The following RBM47 variants were observed in gnomAD, a reference collection of about 807,000 sequenced individuals.
RBM47 encodes RNA-binding protein 47.
In RBM47, 21 loss-of-function variants were observed where a neutral mutation model predicts 47.1. That is an observed-to-expected ratio of 0.45 (90% CI 0.32 to 0.64). RBM47 has a LOEUF of 0.64. Among genes scored for constraint, RBM47 ranks in the 30% least tolerant of loss-of-function variants. The pLI is 0.05. For missense variants in RBM47, 708 were observed against 870.9 expected (o/e 0.81, Z 2.35); for synonymous variants, 375 against 361.7 (o/e 1.04, Z -0.42).
At position 40,592,426 on chromosome 4, in the gene RBM47, C is replaced by CTT. The variant is rs80061075; in HGVS notation, c.-240+36968_-240+36969dup. 1.7e-4 allele frequency among the ~76,000 whole-genome samples: 24 copies of CTT among 137,532 alleles called. No individual in the cohort carries two copies. In the East Asian group the frequency reaches 3.6e-3, roughly 21 times the overall value. 90.2% of individuals were successfully genotyped at this position (137,532 alleles called of 152,430 possible). A position where few individuals can be genotyped will look rare whatever the true frequency, so the allele number is the denominator to read the frequency against. ...CCACCTGGCTTAATCTTTTTTTTTT[C>CTT]TTTTTTTTTTTTTTTAAGACAGAGT... On this transcript the variant is annotated intron_variant, in intron 1 of 6. Coordinates refer to ENST00000295971, the MANE Select transcript of RBM47 (RefSeq NM_001098634.2).
intron 2 of RBM47, among the ~76,000 whole-genome samples, chr4:40,522,460 G>C (rs935958594): frequency 2.0e-5 from 3 of 152,128 alleles, no homozygotes; most frequent in African/African-American, 7.2e-5. Context: ...AACTGAGATT[G>C]TGCCACTGCA....
At chr4:40,432,985 G>T in intron 5 of RBM47, 123 bp from the exon 6 acceptor site, 1 of 1,365,118 alleles carries the variant, frequency 7.3e-7, no homozygotes, top group Non-Finnish European at 9.7e-7. Context: ...TTTTGAGACA[G>T]GGTCTCACTC....
At chr4:40,436,203 CAAA>C (rs11452587) in intron 5 of RBM47, among the ~76,000 whole-genome samples, 56 of 140,290 alleles carry the variant, frequency 4.0e-4, no homozygotes, top group African/African-American at 1.4e-3. Flanking sequence ...AACAAACAAA[CAAA>C]AAAAAACCTT....
At chr4:40,622,625 C>T (rs1253665585) in intron 1 of RBM47, among the ~76,000 whole-genome samples, 1 of 152,126 alleles carries the variant, frequency 6.6e-6, no homozygotes, top group Admixed American at 6.6e-5. Context: ...CTCACACCTG[C>T]AATCCCAGCA....
rs1377946366 is a variant in RBM47 at position 40,424,622 on chromosome 4, CCCAAT to C, written c.*1277_*1281del. The C allele has an allele frequency of 6.6e-6, 1 of 152,060 alleles. No individual in the cohort carries two copies. The highest frequency in any genetic ancestry group is 1.5e-5 in the Non-Finnish European group (1 of 68,024). The allele number at this position is 152,060 out of a possible 1,614,324, so 9.4% of individuals were successfully genotyped here. A position where few individuals can be genotyped will look rare whatever the true frequency, so the allele number is the denominator to read the frequency against. On this transcript the variant is annotated 3_prime_UTR_variant, in exon 7 of 7. Transcript: ENST00000295971. ...TCCTCCTCCTCCTGGATGTGCACAC[CCCAAT>C]CCAGTTCACCCATCAAGTGCACAGC...
At chr4:40,505,924 A>C (rs1043532984) in intron 2 of RBM47, among the ~76,000 whole-genome samples, 8 of 151,980 alleles carry the variant, frequency 5.3e-5, no homozygotes, top group Non-Finnish European at 1.2e-4. Flanking sequence ...ACAAAAAACA[A>C]AAAAACTTAC....
intron 1 of RBM47, among the ~76,000 whole-genome samples, chr4:40,613,391 C>T (rs1736414909): frequency 6.6e-6 from 1 of 152,040 alleles, no homozygotes; most frequent in South Asian, 2.1e-4. Context: ...ATTCTAATGA[C>T]ATTAGTAGCC....
intron 1 of RBM47, among the ~76,000 whole-genome samples, chr4:40,596,857 C>T (rs1337379027): frequency 6.6e-6 from 1 of 152,088 alleles, no homozygotes; most frequent in Non-Finnish European, 1.5e-5. Flanking sequence ...AGTTATCTCT[C>T]CAGTGGTTTA....
intron 1 of RBM47, among the ~76,000 whole-genome samples, chr4:40,567,211 T>TCGGGC (rs1359660899): frequency 3.3e-5 from 5 of 151,926 alleles, no homozygotes; most frequent in African/African-American, 1.2e-4. Flanking sequence ...GACATTGAAC[T>TCGGGC]CGGGCAGTGT....
At chr4:40,508,099 C>A (rs16852284) in intron 2 of RBM47, among the ~76,000 whole-genome samples, 11 of 152,080 alleles carry the variant, frequency 7.2e-5, no homozygotes, top group Non-Finnish European at 1.3e-4. Context: ...GTACGTAAAA[C>A]CTGAGCCTCA....
chr4:40,489,903 A>C (rs1230913767), intron 2 of RBM47, among the ~76,000 whole-genome samples: 1 of 152,226 alleles, frequency 6.6e-6, no homozygotes, highest in Non-Finnish European at 1.5e-5. Flanking sequence ...TTTTAAAAAT[A>C]CACAACTAAA....
At chr4:40,519,659 CTTTTTTTTTTTTTTTT>C (rs35250968) in intron 2 of RBM47, among the ~76,000 whole-genome samples, 1 of 96,290 alleles carries the variant, frequency 1.0e-5, no homozygotes, top group Non-Finnish European at 2.1e-5. Flanking sequence ...CCCTACCCTC[CTTTTTTTTTTTTTTTT>C]TTTTTTTTTT....
intron 2 of RBM47, among the ~76,000 whole-genome samples, chr4:40,517,947 T>G (rs770884541): frequency 1.3e-5 from 2 of 152,088 alleles, no homozygotes; most frequent in Non-Finnish European, 2.9e-5. Context: ...ATCCAAAATC[T>G]GGGGGGCCTG....
intron 2 of RBM47, among the ~76,000 whole-genome samples, chr4:40,481,101 A>G (rs905476008): frequency 1.3e-5 from 2 of 152,112 alleles, no homozygotes; most frequent in Non-Finnish European, 2.9e-5. Context: ...TAATCAAATG[A>G]TATTTTAATA....
At chr4:40,611,893 T>A (rs1736295003) in intron 1 of RBM47, among the ~76,000 whole-genome samples, 1 of 152,204 alleles carries the variant, frequency 6.6e-6, no homozygotes, top group Admixed American at 6.5e-5. Context: ...ATTATATATA[T>A]ATAATGTATC....
rs1230469029 is a variant in RBM47, at chr4:40,545,201, C to CCG, written c.-239-696_-239-695insCG. On this transcript the variant is annotated intron_variant, in intron 1 of 6. Coordinates refer to ENST00000295971, the MANE Select transcript of RBM47 (RefSeq NM_001098634.2). The stretch of plus-strand genomic sequence containing the variant: ...CAAGTAGCTGGGATTACAGGCATGC[C>CCG]CCACCATGCCCAGCTAATGTTTTGT... 6.8e-3 allele frequency among the ~76,000 whole-genome samples: 1,024 copies of CCG among 151,176 alleles called. 7 individuals are homozygous for CCG. Among genetic ancestry groups the CCG allele is most frequent in the African/African-American group, 0.024 (978 of 41,336 alleles).
At chr4:40,546,854 C>A (rs965809978) in intron 1 of RBM47, among the ~76,000 whole-genome samples, 12 of 152,176 alleles carry the variant, frequency 7.9e-5, no homozygotes, top group Non-Finnish European at 1.6e-4. Context: ...GTCCACCTAA[C>A]CCTTGGCAAA....
At chr4:40,621,747 AG>A (rs1737285220) in intron 1 of RBM47, among the ~76,000 whole-genome samples, 1 of 152,240 alleles carries the variant, frequency 6.6e-6, no homozygotes, top group South Asian at 2.1e-4. Flanking sequence ...GTTCAAACAG[AG>A]GGCTACACAT....
intron 3 of RBM47, among the ~76,000 whole-genome samples, chr4:40,451,184 C>CAAAA (rs958122281): frequency 3.5e-4 from 18 of 51,428 alleles, no homozygotes; most frequent in South Asian, 7.0e-4. Context: ...CAGTAGCTAC[C>CAAAA]AAAAAAAAAA....
Sources: gnomAD v4.1 joint callset for allele counts (sites outside exome capture counted in the v4.1 genomes callset) on GRCh38, gnomAD v4.1.1 for gene constraint, MANE v1.5 for transcripts, NCBI Gene and HGNC (gene_info 2026-07-23, HGNC 2026-07-21) for gene names.